The following SCN2A variants were observed in gnomAD, a reference collection of about 807,000 sequenced individuals.
The protein encoded by SCN2A is sodium channel protein type 2 subunit alpha.
SCN2A carries 20 observed loss-of-function variants against 188.7 expected under a neutral mutation model. The ratio of observed to expected loss-of-function variants is 0.11; its 90% CI spans 0.07 to 0.15. SCN2A has a LOEUF of 0.15. Among genes scored for constraint, SCN2A ranks in the 10% least tolerant of loss-of-function variants. SCN2A has a pLI of 1.00. For missense variants in SCN2A, 1,278 were observed against 2,445.0 expected, an observed-to-expected ratio of 0.52 and a Z score of 10.07; for synonymous variants, 804 against 833.1, an observed-to-expected ratio of 0.97 and a Z score of 0.60.
At chr2:165,253,396 T>C (rs1210516383) in intron 1 of SCN2A, among the ~76,000 whole-genome samples, 1 of 152,130 alleles carries the variant, frequency 6.6e-6, no homozygotes, top group Admixed American at 6.6e-5. Flanking sequence ...AGGCCACTTA[T>C]AGCCTATTTA....
chr2:165,282,114 G>C (rs1695608854), intron 1 of SCN2A, among the ~76,000 whole-genome samples: 1 of 152,162 alleles, frequency 6.6e-6, no homozygotes, highest in Non-Finnish European at 1.5e-5. Context: ...TCGGGGATTT[G>C]ATCACAAGCT....
chr2:165,316,902 TG>T (rs1158753086), intron 11 of SCN2A, among the ~76,000 whole-genome samples: 1 of 151,932 alleles, frequency 6.6e-6, no homozygotes, highest in East Asian at 1.9e-4. Flanking sequence ...TTGAGTGTCT[TG>T]TTCATATTAG....
chr2:165,339,974 T>C (rs1346393142), intron 14 of SCN2A, among the ~76,000 whole-genome samples: 1 of 152,212 alleles, frequency 6.6e-6, no homozygotes, highest in Non-Finnish European at 1.5e-5. Flanking sequence ...AATGCTGAGT[T>C]CATAAATAGA....
intron 16 of SCN2A, among the ~76,000 whole-genome samples, chr2:165,351,472 T>A (rs1699914451): frequency 6.6e-6 from 1 of 152,066 alleles, no homozygotes; most frequent in Admixed American, 6.5e-5. Flanking sequence ...TGGTAGCAGT[T>A]CAAAGAAAGG....
Position 165,390,286 on chromosome 2 carries a change from T to G in SCN2A, c.*462T>G. On this transcript the variant is annotated 3_prime_UTR_variant, in exon 27 of 27. Transcript: ENST00000375437. ...GTTGTTTACTATTATATGTGACTAT[T>G]TTTGTAAATGGGTTTGTGTTTGGGG... 1 of 173,212 alleles carries G rather than the reference T, an allele frequency of 5.8e-6. No homozygotes were observed. The highest frequency in any genetic ancestry group is 1.4e-4 in the South Asian group (1 of 7,290). The allele number at this position is 173,212 out of a possible 1,614,324, so 10.7% of individuals were successfully genotyped here.
intron 1 of SCN2A, chr2:165,285,358 G>T: frequency 5.9e-6 from 1 of 168,796 alleles, no homozygotes; most frequent in Non-Finnish European, 1.3e-5. Context: ...TGACAAAGAT[G>T]GAACAATTGT....
At position 165,248,292 on chromosome 2, in the gene SCN2A, A is replaced by G. The variant is rs561989747; in HGVS notation, c.-52+8652A>G. ...ACCTGACAATTTCCAAAAAGTCTCT[A>G]TTTAGCCTGGTCTCCATCCCATTAC... On this transcript the variant is annotated intron_variant, in intron 1 of 26. Coordinates refer to ENST00000375437, the MANE Select transcript of SCN2A (RefSeq NM_001040142.2). Among the ~76,000 whole-genome samples, 18 of 152,250 alleles carry G rather than the reference A, an allele frequency of 1.2e-4. No individual in the cohort carries two copies. In the East Asian group the frequency reaches 2.9e-3, roughly 24 times the overall value.
At chr2:165,239,761 C>G (rs1266944122) in intron 1 of SCN2A, 121 bp downstream of exon 1, 1 of 322,436 alleles carries the variant, frequency 3.1e-6, no homozygotes, top group Non-Finnish European at 4.5e-6. Flanking sequence ...TTCAAAAGCT[C>G]TAATTCTAGC....
At chr2:165,245,075 G>A (rs1693785822) in intron 1 of SCN2A, among the ~76,000 whole-genome samples, 1 of 152,210 alleles carries the variant, frequency 6.6e-6, no homozygotes, top group Admixed American at 6.5e-5. Flanking sequence ...AAGGAATGAA[G>A]CAAGCTGGTC....
intron 6 of SCN2A, 51 bp downstream of exon 6, chr2:165,309,494 A>T (rs376203810): frequency 1.2e-6 from 2 of 1,605,670 alleles, no homozygotes. Flanking sequence ...GTGGTGCTAC[A>T]ATCACAGCTT....
chr2:165,349,164 A>G (rs973853351), intron 16 of SCN2A, among the ~76,000 whole-genome samples: 2 of 152,244 alleles, frequency 1.3e-5, no homozygotes, highest in Admixed American at 6.5e-5. Context: ...CTCTGTATGT[A>G]TATTTGGTAT....
intron 16 of SCN2A, among the ~76,000 whole-genome samples, chr2:165,351,281 A>C (rs1418285986): frequency 6.6e-6 from 1 of 152,134 alleles, no homozygotes; most frequent in Non-Finnish European, 1.5e-5. Context: ...CCACGGGTAG[A>C]TTGGCTGCTT....
intron 17 of SCN2A, among the ~76,000 whole-genome samples, chr2:165,358,546 A>C (rs36099571): frequency 0.14 from 20,944 of 151,960 alleles, 1,500 homozygotes; most frequent in Non-Finnish European, 0.15. Flanking sequence ...TACCCTTAAA[A>C]CTCTTAGACT....
At chr2:165,353,232 A>G (rs1165828339) in intron 16 of SCN2A, among the ~76,000 whole-genome samples, 1 of 152,112 alleles carries the variant, frequency 6.6e-6, no homozygotes, top group African/African-American at 2.4e-5. Context: ...TATAATAACC[A>G]TTTTATAGTA....
intron 14 of SCN2A, among the ~76,000 whole-genome samples, chr2:165,340,902 T>G (rs1408466269): frequency 6.6e-6 from 1 of 152,142 alleles, no homozygotes; most frequent in East Asian, 1.9e-4. Flanking sequence ...GTCGGTCTTG[T>G]TGGTGAAGTT....
At chr2:165,266,989 T>C (rs1287900852) in intron 1 of SCN2A, 3 of 151,908 alleles carry the variant, frequency 2.0e-5, no homozygotes, top group Non-Finnish European at 4.4e-5. Flanking sequence ...AAAACATGGA[T>C]TAAAGAAATT....
At chr2:165,324,173 C>T (rs530783570) in intron 12 of SCN2A, among the ~76,000 whole-genome samples, 5 of 152,298 alleles carry the variant, frequency 3.3e-5, no homozygotes, top group African/African-American at 1.2e-4. Context: ...ATTTCAGCTA[C>T]ATACTAGACA....
chr2:165,291,491 T>TTTCTTTCTTTTC (rs1389976633), intron 1 of SCN2A, among the ~76,000 whole-genome samples: 42 of 38,846 alleles, frequency 1.1e-3, no homozygotes, highest in African/African-American at 3.4e-3. Flanking sequence ...TCTTTCTTTC[T>TTTCTTTCTTTTC]TTTCTTTCTT....
At position 165,380,636 on chromosome 2, in the gene SCN2A, T is replaced by G. The variant is rs2105384625; in HGVS notation, c.4353T>G (p.Leu1451=). Reference sequence around the variant, plus strand: ...ATGAAGACAACCTGTACATGTATCTTTATTTTGTCATCTTTATTATTTTTG... The same window carrying G: ...ATGAAGACAACCTGTACATGTATCTGTATTTTGTCATCTTTATTATTTTTG... ...PKYEDNLYMY[L]YFVIFIIFGS... Residue 1451 remains leucine, a synonymous_variant, in exon 24 of 27, where the codon CTT becomes CTG. Transcript: ENST00000375437. 11 of 1,585,658 alleles carry G rather than the reference T, an allele frequency of 6.9e-6. No individual in the cohort carries two copies. The highest frequency in any genetic ancestry group is 9.5e-6 in the Non-Finnish European group (11 of 1,155,242).
Sources: allele counts gnomAD v4.1 joint callset (sites outside exome capture counted in the v4.1 genomes callset), GRCh38; gene constraint gnomAD v4.1.1; transcripts MANE v1.5; gene names NCBI Gene and HGNC (gene_info 2026-07-23, HGNC 2026-07-21).